CNTNAP4: variants seen among roughly 807,000 people sequenced by gnomAD.
CNTNAP4 encodes contactin associated protein family member 4.
A neutral mutation model predicts 148.4 loss-of-function variants in CNTNAP4; 98 were observed. The ratio of observed to expected loss-of-function variants is 0.66; its 90% CI spans 0.56 to 0.78. The LOEUF (loss-of-function observed/expected upper bound fraction) is 0.78. Among genes scored for constraint, CNTNAP4 ranks in the 30% least tolerant of loss-of-function variants. The pLI is 0.00. For missense variants in CNTNAP4, 1,935 were observed against 1,565.6 expected (o/e 1.24, Z -3.98); for synonymous variants, 730 against 565.1 (o/e 1.29, Z -4.14).
intron 15 of CNTNAP4, among the ~76,000 whole-genome samples, chr16:76,500,440 C>T (rs1392176312): frequency 6.6e-6 from 1 of 152,198 alleles, no homozygotes; most frequent in Non-Finnish European, 1.5e-5. Context: ...TTCCAGCATT[C>T]CTGAATTTCT....
At chr16:76,384,246 G>A (rs1453089560) in intron 3 of CNTNAP4, among the ~76,000 whole-genome samples, 1 of 152,018 alleles carries the variant, frequency 6.6e-6, no homozygotes, top group Non-Finnish European at 1.5e-5. Context: ...GTTTCACTAT[G>A]TTGGTCAGGT....
At chr16:76,349,649 A>G (rs907863533) in intron 2 of CNTNAP4, among the ~76,000 whole-genome samples, 5 of 152,208 alleles carry the variant, frequency 3.3e-5, no homozygotes, top group African/African-American at 1.2e-4. Context: ...CGCATTTGAA[A>G]AAAAAGTAAT....
rs541565842 is a variant in CNTNAP4 at position 76,507,750 on chromosome 16, G to A, written c.2365+9056G>A. Among the ~76,000 whole-genome samples the A allele has an allele frequency of 5.2e-4, 50 of 96,140 alleles. 8 individuals are homozygous for A. Among genetic ancestry groups the A allele is most frequent in the African/African-American group, 1.1e-3 (42 of 38,260 alleles). 63.1% of individuals were successfully genotyped at this position (96,140 alleles called of 152,430 possible). On this transcript the variant is annotated intron_variant, in intron 15 of 23. Transcript: ENST00000611870. ...ACAGAGTTTCAGAGTAGAAGCCTAG[G>A]CATTCATACACAGGGTTAAACCTAC...
chr16:76,365,969 T>G (rs574636590), intron 3 of CNTNAP4, among the ~76,000 whole-genome samples: 20 of 152,298 alleles, frequency 1.3e-4, no homozygotes, highest in African/African-American at 4.3e-4. Flanking sequence ...ATTTATTGAT[T>G]TGCTTAATTT....
chr16:76,493,121 G>A (rs1046188449), intron 13 of CNTNAP4, among the ~76,000 whole-genome samples: 1 of 152,018 alleles, frequency 6.6e-6, no homozygotes, highest in Non-Finnish European at 1.5e-5. Flanking sequence ...GATTTGAAGT[G>A]GAGAGAGTTA....
At chr16:76,381,506 G>T (rs1196928408) in intron 3 of CNTNAP4, among the ~76,000 whole-genome samples, 1 of 152,106 alleles carries the variant, frequency 6.6e-6, no homozygotes, top group African/African-American at 2.4e-5. Context: ...TTTACTGTAG[G>T]ATGTCTAGGA....
At chr16:76,316,940 G>T (rs1961822168) in intron 2 of CNTNAP4, among the ~76,000 whole-genome samples, 2 of 152,208 alleles carry the variant, frequency 1.3e-5, no homozygotes, top group South Asian at 2.1e-4. Context: ...ATCAGCTGAA[G>T]AATAGGAACA....
intron 8 of CNTNAP4, among the ~76,000 whole-genome samples, chr16:76,455,300 G>A (rs567454994): frequency 1.9e-4 from 29 of 152,290 alleles, no homozygotes; most frequent in East Asian, 1.4e-3. Flanking sequence ...CTGTTTTTGC[G>A]TAACAGTGAA....
intron 2 of CNTNAP4, among the ~76,000 whole-genome samples, chr16:76,329,975 A>G (rs1346409499): frequency 1.3e-5 from 2 of 152,220 alleles, no homozygotes; most frequent in Non-Finnish European, 1.5e-5. Flanking sequence ...GTCCTTCGCC[A>G]GAGCCTCGGG....
chr16:76,403,416 G>A (rs559321454), intron 3 of CNTNAP4, among the ~76,000 whole-genome samples: 6 of 152,128 alleles, frequency 3.9e-5, no homozygotes, highest in Admixed American at 2.0e-4. Context: ...TAAAGAAGTC[G>A]TATATATGGC....
At chr16:76,476,178 A>G (rs928458087) in intron 11 of CNTNAP4, 133 bp downstream of exon 11, 1 of 590,756 alleles carries the variant, frequency 1.7e-6, no homozygotes, top group Admixed American at 3.2e-5. Flanking sequence ...ATCTCATTTC[A>G]TAAAGTCGTC....
intron 3 of CNTNAP4, among the ~76,000 whole-genome samples, chr16:76,420,459 C>G (rs1214837636): frequency 6.6e-6 from 1 of 151,928 alleles, no homozygotes; most frequent in Non-Finnish European, 1.5e-5. Context: ...CTCTGACATC[C>G]TCACTATAAT....
chr16:76,331,464 A>C (rs1427419781), intron 2 of CNTNAP4, among the ~76,000 whole-genome samples: 4 of 149,848 alleles, frequency 2.7e-5, no homozygotes, highest in Admixed American at 2.0e-4. Context: ...CTGAGATTAC[A>C]GGCGTGAGCT....
chr16:76,403,498 A>T (rs143926633), intron 3 of CNTNAP4, among the ~76,000 whole-genome samples: 2,044 of 152,328 alleles, frequency 0.013, 45 homozygotes, highest in African/African-American at 0.046. Flanking sequence ...ACAATGAGAT[A>T]TCATCTCACA....
In CNTNAP4 at chr16:76,448,845, C is replaced by T. The variant is rs750474398; in HGVS notation, c.821C>T (p.Ser274Leu). 5.0e-6 allele frequency: 8 copies of T among 1,613,146 alleles called. No individual in the cohort carries two copies. Among genetic ancestry groups the T allele is most frequent in the South Asian group, 1.1e-5 (1 of 90,816 alleles). Residue 274 changes from serine (S) to leucine (L), a missense_variant, in exon 6 of 24, where the codon TCA becomes TTA. By Grantham distance (145) the Ser-to-Leu change is moderately radical. Coordinates refer to ENST00000611870, the MANE Select transcript of CNTNAP4 (RefSeq NM_033401.5). ...CTGCTAGATGATCAGCATTGGCATT[C>T]AGTGCTCATCCAGCGTTTGGGCAAA... is the stretch of plus-strand genomic sequence containing the variant. ...GSLLDDQHWHSVLIQRLGKQV... is the reference protein window; with the variant it reads ...GSLLDDQHWHLVLIQRLGKQV...
intron 1 of CNTNAP4, among the ~76,000 whole-genome samples, chr16:76,315,404 A>G (rs1226658752): frequency 1.3e-5 from 2 of 152,310 alleles, no homozygotes; most frequent in Admixed American, 6.5e-5. Context: ...GAAAGTTCAA[A>G]TATACGTCTA....
At chr16:76,325,396 A>G (rs931639802) in intron 2 of CNTNAP4, among the ~76,000 whole-genome samples, 1 of 152,188 alleles carries the variant, frequency 6.6e-6, no homozygotes, top group Admixed American at 6.5e-5. Flanking sequence ...ATTTACCTAA[A>G]TTTATGCTGG....
chr16:76,412,859 C>T (rs1033360148), intron 3 of CNTNAP4, among the ~76,000 whole-genome samples: 6 of 151,412 alleles, frequency 4.0e-5, no homozygotes, highest in Non-Finnish European at 7.4e-5. Context: ...TCCTTAAAAT[C>T]GTGAAAATAT....
chr16:76,355,350 A>C lies in CNTNAP4; in HGVS notation c.229A>C (p.Lys77Gln). The change falls in exon 3 of 24, where the codon AAA becomes CAA. Residue 77 changes from lysine (K) to glutamine (Q), a missense_variant. Lys to Gln is a moderately conservative substitution (Grantham distance 53). Coordinates refer to ENST00000611870, the MANE Select transcript of CNTNAP4 (RefSeq NM_033401.5). ...TGGCTGGTCTCCACTTGTGTCTAACAAATACCAGTGGTTGCAGATTGACCT... is the reference window on the plus strand; with the variant it reads ...TGGCTGGTCTCCACTTGTGTCTAACCAATACCAGTGGTTGCAGATTGACCT... ...AGGWSPLVSN[K>Q]YQWLQIDLGE... 6.3e-7 allele frequency: 1 copy of C among 1,597,688 alleles called. No individual in the cohort carries two copies. The highest frequency in any genetic ancestry group is 1.1e-5 in the South Asian group (1 of 88,904).
Sources: allele counts gnomAD v4.1 joint callset (sites outside exome capture counted in the v4.1 genomes callset), GRCh38; gene constraint gnomAD v4.1.1; transcripts MANE v1.5; gene names NCBI Gene and HGNC (gene_info 2026-07-23, HGNC 2026-07-21).